CNTN5: variants seen among roughly 807,000 people sequenced by gnomAD.
CNTN5 encodes the protein contactin-5.
CNTN5 carries 77 observed loss-of-function variants against 129.1 expected under a neutral mutation model. The observed-to-expected ratio is 0.60, with a 90% confidence interval of 0.50 to 0.72. The LOEUF is 0.72. Among genes scored for constraint, CNTN5 ranks in the 30% least tolerant of loss-of-function variants. CNTN5 has a pLI of 0.00. For missense variants in CNTN5, 1,478 were observed against 1,328.8 expected, an observed-to-expected ratio of 1.11 and a Z score of -1.75; for synonymous variants, 509 against 465.6, an observed-to-expected ratio of 1.09 and a Z score of -1.20.
At chr11:100,198,430 ACAC>A (rs1308046926) in intron 15 of CNTN5, among the ~76,000 whole-genome samples, 1 of 150,478 alleles carries the variant, frequency 6.6e-6, no homozygotes, top group Admixed American at 6.6e-5. Context: ...ACACACACAC[ACAC>A]AATAGCTCAC....
chr11:99,030,460 T>G (rs1236073300), intron 1 of CNTN5, among the ~76,000 whole-genome samples: 2 of 152,182 alleles, frequency 1.3e-5, no homozygotes, highest in Non-Finnish European at 2.9e-5. Flanking sequence ...CTTATTTTAT[T>G]TGCTCATTTT....
intron 3 of CNTN5, among the ~76,000 whole-genome samples, chr11:99,770,261 T>A (rs555863134): frequency 6.6e-6 from 1 of 152,234 alleles, no homozygotes; most frequent in South Asian, 2.1e-4. Flanking sequence ...TATAAAAACA[T>A]TTACATGGTT....
chr11:99,280,926 A>G (rs1317307702), intron 1 of CNTN5, among the ~76,000 whole-genome samples: 3 of 151,750 alleles, frequency 2.0e-5, no homozygotes, highest in Non-Finnish European at 4.4e-5. Context: ...ATATATAACA[A>G]CATCAAGGAA....
intron 1 of CNTN5, among the ~76,000 whole-genome samples, chr11:99,142,261 G>T (rs1388629840): frequency 6.6e-6 from 1 of 151,554 alleles, no homozygotes. Context: ...CATCATCAGG[G>T]TTGTGGCAGT....
At chr11:99,555,222 A>T (rs1241146030) in intron 2 of CNTN5, among the ~76,000 whole-genome samples, 1 of 152,028 alleles carries the variant, frequency 6.6e-6, no homozygotes. Context: ...TTCTAATTTC[A>T]TAAGGAGGGA....
At chr11:100,143,606 G>A in intron 13 of CNTN5, among the ~76,000 whole-genome samples, 1 of 152,150 alleles carries the variant, frequency 6.6e-6, no homozygotes, top group East Asian at 1.9e-4. Flanking sequence ...GAGATTCCAA[G>A]GGAAGGGGAG....
intron 1 of CNTN5, among the ~76,000 whole-genome samples, chr11:99,064,840 A>C (rs1229461736): frequency 2.0e-5 from 3 of 152,066 alleles, no homozygotes. Flanking sequence ...AGGGGATAGT[A>C]TTATTTTTAT....
intron 2 of CNTN5, among the ~76,000 whole-genome samples, chr11:99,552,807 T>C (rs1261756788): frequency 6.6e-6 from 1 of 152,136 alleles, no homozygotes; most frequent in East Asian, 1.9e-4. Context: ...TAGATATTTC[T>C]TTCTCTCGCT....
intron 4 of CNTN5, among the ~76,000 whole-genome samples, chr11:99,827,355 C>T (rs553453506): frequency 6.6e-6 from 1 of 152,312 alleles, no homozygotes; most frequent in African/African-American, 2.4e-5. Flanking sequence ...TCCCAAAGTG[C>T]TGGGATTACA....
chr11:99,346,007 T>C (rs1937833500), intron 2 of CNTN5, among the ~76,000 whole-genome samples: 1 of 152,170 alleles, frequency 6.6e-6, no homozygotes, highest in African/African-American at 2.4e-5. Context: ...TGAAAAATAG[T>C]TAGCCCACAT....
intron 9 of CNTN5, among the ~76,000 whole-genome samples, chr11:100,032,988 A>G (rs889872421): frequency 6.6e-6 from 1 of 152,214 alleles, no homozygotes; most frequent in African/African-American, 2.4e-5. Flanking sequence ...ATAAAAGACT[A>G]TATACTTTTA....
chr11:99,776,927 T>A (rs1945144288), intron 3 of CNTN5, among the ~76,000 whole-genome samples: 1 of 152,094 alleles, frequency 6.6e-6, no homozygotes, highest in African/African-American at 2.4e-5. Flanking sequence ...GAACATGAGA[T>A]GCAAGCAAAC....
intron 3 of CNTN5, among the ~76,000 whole-genome samples, chr11:99,664,931 C>T: frequency 6.6e-6 from 1 of 152,260 alleles, no homozygotes; most frequent in East Asian, 1.9e-4. Context: ...GTGTCTAACA[C>T]AGAATCTTTT....
chr11:99,726,819 C>G (rs1943356439), intron 3 of CNTN5, among the ~76,000 whole-genome samples: 1 of 152,096 alleles, frequency 6.6e-6, no homozygotes, highest in African/African-American at 2.4e-5. Flanking sequence ...ACTCTCCGCC[C>G]CATCTTTAAG....
intron 15 of CNTN5, among the ~76,000 whole-genome samples, chr11:100,218,977 G>T (rs1949202541): frequency 6.6e-6 from 1 of 152,126 alleles, no homozygotes; most frequent in African/African-American, 2.4e-5. Context: ...AGGATATAAA[G>T]ACCTCATTTC....
At chr11:99,356,551 C>T (rs905209688) in intron 2 of CNTN5, among the ~76,000 whole-genome samples, 4 of 152,166 alleles carry the variant, frequency 2.6e-5, no homozygotes, top group Non-Finnish European at 4.4e-5. Flanking sequence ...TGAACACCTA[C>T]GTTGTGCAGT....
intron 2 of CNTN5, among the ~76,000 whole-genome samples, chr11:99,460,709 T>C (rs1373560688): frequency 2.0e-5 from 3 of 152,060 alleles, no homozygotes; most frequent in East Asian, 3.9e-4. Context: ...GATTTTCAGA[T>C]ACTGAAAATC....
At chr11:99,926,500 T>A (rs1950066268) in intron 7 of CNTN5, among the ~76,000 whole-genome samples, 1 of 152,140 alleles carries the variant, frequency 6.6e-6, no homozygotes, top group Non-Finnish European at 1.5e-5. Context: ...TTTTTGATGG[T>A]AGTTTTATTT....
chr11:99,342,536 A>C (rs1047054888), intron 2 of CNTN5, among the ~76,000 whole-genome samples: 7 of 145,992 alleles, frequency 4.8e-5, no homozygotes, highest in African/African-American at 1.8e-4. Context: ...GGAGTTCAAA[A>C]TCAGCCAGGG....
Sources: allele counts gnomAD v4.1 joint callset (sites outside exome capture counted in the v4.1 genomes callset), GRCh38; gene constraint gnomAD v4.1.1; transcripts MANE v1.5; gene names NCBI Gene and HGNC (gene_info 2026-07-23, HGNC 2026-07-21).